Variants in ADGRB3 observed in about 807,000 individuals in gnomAD.
ADGRB3 encodes the protein adhesion G protein-coupled receptor B3, also known as brain-specific angiogenesis inhibitor 3.
Under a neutral mutation model 193.4 loss-of-function variants are expected in ADGRB3, and 37 were observed. The ratio of observed to expected loss-of-function variants is 0.19; its 90% CI spans 0.15 to 0.25. The LOEUF is 0.25. Ranked by LOEUF, ADGRB3 falls within the 10% of genes least tolerant of loss-of-function variation. The probability of loss-of-function intolerance (pLI) is 1.00; values close to 1 mark genes in which losing one functional copy is unlikely to be tolerated. For synonymous variants in ADGRB3, 690 were observed against 644.2 expected (o/e 1.07, Z -1.08); for missense variants, 1,637 against 1,852.9 (o/e 0.88, Z 2.14).
intron 11 of ADGRB3, among the ~76,000 whole-genome samples, chr6:69,007,355 T>C (rs1215533479): frequency 6.6e-6 from 1 of 152,190 alleles, no homozygotes; most frequent in Admixed American, 6.5e-5. Flanking sequence ...ATACAACTCA[T>C]GTAATAGAAC....
At chr6:68,657,820 AT>A (rs1175504260) in intron 3 of ADGRB3, among the ~76,000 whole-genome samples, 1 of 151,380 alleles carries the variant, frequency 6.6e-6, no homozygotes, top group Non-Finnish European at 1.5e-5. Flanking sequence ...TCAGCCTAAT[AT>A]ATCTATTTTG....
At chr6:69,232,747 A>G (rs1766171104) in intron 17 of ADGRB3, 1 of 853,928 alleles carries the variant, frequency 1.2e-6, no homozygotes, top group African/African-American at 1.7e-5. Context: ...GCTATTCTAA[A>G]AGGAGGAAAA....
chr6:68,648,472 G>GTTTTTTTT (rs375657707), intron 3 of ADGRB3, among the ~76,000 whole-genome samples: 1 of 99,810 alleles, frequency 1.0e-5, no homozygotes. Flanking sequence ...GAGTTTTTTT[G>GTTTTTTTT]TTTTTTTTTT....
intron 17 of ADGRB3, among the ~76,000 whole-genome samples, chr6:69,223,278 C>A (rs769394490): frequency 2.0e-5 from 3 of 152,126 alleles, no homozygotes; most frequent in East Asian, 3.8e-4. Flanking sequence ...GTTAAAATTT[C>A]TGTTTTTTGA....
chr6:68,687,441 C>G (rs757420217), intron 3 of ADGRB3, among the ~76,000 whole-genome samples: 6 of 152,018 alleles, frequency 3.9e-5, no homozygotes, highest in Non-Finnish European at 7.4e-5. Flanking sequence ...CATGTCTGAA[C>G]AGGATCTGGT....
intron 17 of ADGRB3, among the ~76,000 whole-genome samples, chr6:69,177,013 T>A (rs1775444849): frequency 6.6e-6 from 1 of 152,238 alleles, no homozygotes; most frequent in African/African-American, 2.4e-5. Flanking sequence ...ATTTAGATAT[T>A]CTCTCTTTCT....
rs189973492 is a variant in ADGRB3, at chr6:69,182,296, A to G, written c.2481-50994A>G. 2.0e-4 allele frequency among the ~76,000 whole-genome samples: 31 copies of G among 152,268 alleles called. No individual in the cohort carries two copies. The East Asian group carries it at 4.0e-3, about 20-fold the overall frequency. On this transcript the variant is annotated intron_variant, in intron 17 of 31. Coordinates refer to ENST00000370598, the MANE Select transcript of ADGRB3 (RefSeq NM_001704.3). Reference sequence around the variant, plus strand: ...AGATAATCGTAGAGTTACATAAACAAAATCTCACAAATCACCACTAAAGAA... The same window carrying G: ...AGATAATCGTAGAGTTACATAAACAGAATCTCACAAATCACCACTAAAGAA...
At chr6:69,052,043 A>G (rs1771412646) in intron 15 of ADGRB3, among the ~76,000 whole-genome samples, 2 of 151,916 alleles carry the variant, frequency 1.3e-5, no homozygotes, top group African/African-American at 4.8e-5. Flanking sequence ...GGCGCCCACC[A>G]CCACGCCGGG....
At chr6:68,752,485 C>T (rs1477899547) in intron 3 of ADGRB3, among the ~76,000 whole-genome samples, 2 of 152,018 alleles carry the variant, frequency 1.3e-5, no homozygotes, top group Admixed American at 1.3e-4. Context: ...GTTGCCCAGA[C>T]TGGTCTCGAT....
chr6:68,720,894 T>G (rs1259424674), intron 3 of ADGRB3, among the ~76,000 whole-genome samples: 1 of 151,772 alleles, frequency 6.6e-6, no homozygotes, highest in Non-Finnish European at 1.5e-5. Flanking sequence ...ATTATAATGA[T>G]TGTTGTCTTC....
intron 3 of ADGRB3, among the ~76,000 whole-genome samples, chr6:68,654,424 G>C (rs1768443910): frequency 6.6e-6 from 1 of 151,936 alleles, no homozygotes; most frequent in Non-Finnish European, 1.5e-5. Context: ...GACTTCAGTA[G>C]TCAGAGAATA....
intron 3 of ADGRB3, among the ~76,000 whole-genome samples, chr6:68,877,970 T>C (rs1039811427): frequency 2.0e-5 from 3 of 152,128 alleles, no homozygotes; most frequent in Admixed American, 6.5e-5. Context: ...CATTAAGATA[T>C]ATAATCAAGG....
chr6:69,066,213 C>T (rs632476), intron 16 of ADGRB3, among the ~76,000 whole-genome samples: 141,916 of 151,110 alleles, frequency 0.94, 67,181 homozygotes, highest in East Asian at 1. Context: ...TGCATGTATA[C>T]ACATATACAT....
intron 11 of ADGRB3, among the ~76,000 whole-genome samples, chr6:69,011,407 T>C (rs1009276118): frequency 6.6e-6 from 1 of 151,928 alleles, no homozygotes; most frequent in Non-Finnish European, 1.5e-5. Flanking sequence ...TTCTCACTTA[T>C]AAGTGGGAGC....
At chr6:68,871,571 CAT>C (rs1190142252) in intron 3 of ADGRB3, among the ~76,000 whole-genome samples, 1 of 152,038 alleles carries the variant, frequency 6.6e-6, no homozygotes. Context: ...CAAAGTTTAA[CAT>C]GTGTGTTCCC....
chr6:68,969,397 G>T lies in ADGRB3; in HGVS notation c.1526-5366G>T, dbSNP rs1279510564. On this transcript the variant is annotated intron_variant, in intron 8 of 31. Transcript: ENST00000370598. ...AATATTCAGGAAAATTAACTGTGTG[G>T]CTGCTGCATAGGAGAGTAAATATGA... Among the ~76,000 whole-genome samples, 4 of 152,270 alleles carry T rather than the reference G, an allele frequency of 2.6e-5. No individual in the cohort carries two copies. In the South Asian group the frequency reaches 8.3e-4, roughly 32 times the overall value.
intron 31 of ADGRB3, among the ~76,000 whole-genome samples, chr6:69,384,083 CAGTACT>C (rs2127240497): frequency 6.6e-6 from 1 of 152,046 alleles, no homozygotes; most frequent in East Asian, 1.9e-4. Context: ...TTATTCCTCT[CAGTACT>C]AGTACAATTC....
chr6:69,040,318 T>TTTCTTTCTTTCTTTCTTTCTTTCC, intron 13 of ADGRB3, among the ~76,000 whole-genome samples: 1 of 40,188 alleles, frequency 2.5e-5, no homozygotes, highest in Admixed American at 3.9e-4. Flanking sequence ...TCTTTCTTTC[T>TTTCTTTCTTTCTTTCTTTCTTTCC]TTCTTTCTTT....
chr6:69,297,368 T>TC (rs1767846054), intron 20 of ADGRB3, among the ~76,000 whole-genome samples: 17 of 97,636 alleles, frequency 1.7e-4, no homozygotes, highest in African/African-American at 4.7e-4. Flanking sequence ...CTCTCTCTCT[T>TC]TCTCTCTCTC....
Sources: gnomAD v4.1 joint callset for allele counts (sites outside exome capture counted in the v4.1 genomes callset) on GRCh38, gnomAD v4.1.1 for gene constraint, MANE v1.5 for transcripts, NCBI Gene and HGNC (gene_info 2026-07-23, HGNC 2026-07-21) for gene names.